DOCK8: variants seen among roughly 807,000 people sequenced by gnomAD.
The protein encoded by DOCK8 is dedicator of cytokinesis 8, also known as dedicator of cytokinesis protein 8.
DOCK8 carries 141 observed loss-of-function variants against 245.6 expected under a neutral mutation model. The observed-to-expected ratio is 0.57, with a 90% CI of 0.50 to 0.66. The LOEUF is 0.66. Among genes scored for constraint, DOCK8 ranks in the 30% least tolerant of loss-of-function variants. DOCK8 has a pLI of 0.00. For synonymous variants in DOCK8, 1,168 were observed against 970.2 expected, an observed-to-expected ratio of 1.20 and a Z score of -3.79; for missense variants, 2,965 against 2,603.4, an observed-to-expected ratio of 1.14 and a Z score of -3.02.
intron 1 of DOCK8, among the ~76,000 whole-genome samples, chr9:247,399 T>A (rs2047529834): frequency 6.6e-6 from 1 of 152,186 alleles, no homozygotes; most frequent in Non-Finnish European, 1.5e-5. Context: ...ACTGAGAGGG[T>A]ATTTTCGACA....
intron 3 of DOCK8, among the ~76,000 whole-genome samples, chr9:289,113 G>A (rs2048937607): frequency 6.6e-6 from 1 of 152,116 alleles, no homozygotes; most frequent in Admixed American, 6.6e-5. Flanking sequence ...AGGAGAACAC[G>A]CGTGTCCTAA....
intron 1 of DOCK8, among the ~76,000 whole-genome samples, chr9:235,760 G>A (rs972901122): frequency 2.0e-5 from 3 of 152,166 alleles, no homozygotes; most frequent in Non-Finnish European, 2.9e-5. Flanking sequence ...GAAAAGCGCA[G>A]TATTAGGGTG....
chr9:320,097 ACACT>A (rs1299153056), intron 7 of DOCK8, among the ~76,000 whole-genome samples: 2 of 152,186 alleles, frequency 1.3e-5, no homozygotes, highest in Non-Finnish European at 2.9e-5. Flanking sequence ...TAAAGAACAA[ACACT>A]CACGGAAAAA....
intron 1 of DOCK8, among the ~76,000 whole-genome samples, chr9:254,161 T>G (rs765088511): frequency 1.1e-4 from 16 of 152,142 alleles, no homozygotes; most frequent in Non-Finnish European, 2.1e-4. Context: ...AGGGCAGAAT[T>G]TGCAAACCCA....
intron 46 of DOCK8, among the ~76,000 whole-genome samples, chr9:462,894 A>T (rs1281651429): frequency 6.6e-6 from 1 of 152,174 alleles, no homozygotes; most frequent in Non-Finnish European, 1.5e-5. Flanking sequence ...TCACTTCCTC[A>T]CAGTGTTATC....
chr9:253,363 C>T (rs1455622353), intron 1 of DOCK8, among the ~76,000 whole-genome samples: 3 of 152,312 alleles, frequency 2.0e-5, no homozygotes, highest in East Asian at 1.9e-4. Flanking sequence ...TTTCTTTCCT[C>T]TTTAAATGGT....
At chr9:340,508 C>A (rs757036399) in intron 14 of DOCK8, 187 bp downstream of exon 14, 5 of 683,162 alleles carry the variant, frequency 7.3e-6, no homozygotes, top group Non-Finnish European at 1.2e-5. Flanking sequence ...GTAATCCCAG[C>A]AACTTGGCAG....
At chr9:315,439 C>T (rs1330653999) in intron 6 of DOCK8, among the ~76,000 whole-genome samples, 1 of 152,070 alleles carries the variant, frequency 6.6e-6, no homozygotes, top group East Asian at 1.9e-4. Flanking sequence ...TTGTTTGGAT[C>T]TTGATTTAAC....
intron 46 of DOCK8, among the ~76,000 whole-genome samples, chr9:457,527 G>C (rs1305300872): frequency 1.3e-5 from 2 of 152,190 alleles, no homozygotes; most frequent in Admixed American, 6.5e-5. Context: ...GTCTATCCAT[G>C]ATTTGTCTGT....
intron 2 of DOCK8, chr9:272,769 A>C (rs935518413): frequency 6.6e-6 from 1 of 152,128 alleles, no homozygotes. Flanking sequence ...GAGTGTGCCT[A>C]TATGTGTTAT....
At position 229,918 on chromosome 9, in the gene DOCK8, T is replaced by G. The variant is rs2047070353; in HGVS notation, c.53+14889T>G. Among the ~76,000 whole-genome samples the G allele has an allele frequency of 2.6e-5, 4 of 151,928 alleles. No homozygotes were observed. In the South Asian group the frequency reaches 8.3e-4, roughly 31 times the overall value. ...TTTAAATTTAATTTTATTATTATTA[T>G]TATACTTTAAGTTTTAGGGTACATG... On this transcript the variant is annotated intron_variant, in intron 1 of 47. Transcript: ENST00000432829.
chr9:421,560 A>G (rs578254059), intron 32 of DOCK8, among the ~76,000 whole-genome samples: 1 of 152,300 alleles, frequency 6.6e-6, no homozygotes, highest in East Asian at 1.9e-4. Flanking sequence ...ATTCCACCAC[A>G]GGAGGAATGA....
chr9:359,513 GA>G (rs2131097107), intron 14 of DOCK8, among the ~76,000 whole-genome samples: 2 of 152,282 alleles, frequency 1.3e-5, no homozygotes, highest in African/African-American at 4.8e-5. Flanking sequence ...AGTGAAATAT[GA>G]ATGATAAAAT....
intron 37 of DOCK8, among the ~76,000 whole-genome samples, chr9:433,446 T>A (rs1428067673): frequency 6.6e-6 from 1 of 152,194 alleles, no homozygotes; most frequent in Non-Finnish European, 1.5e-5. Context: ...CAAGAGGTTC[T>A]AAAATCTCTG....
At chr9:368,394 C>CT (rs1470565927) in intron 15 of DOCK8, 1 of 673,034 alleles carries the variant, frequency 1.5e-6, no homozygotes, top group African/African-American at 1.8e-5. Context: ...GTCATAAAGT[C>CT]TTTCCATACT....
intron 36 of DOCK8, 37 bp downstream of exon 36, chr9:429,891 T>C (rs1564059086): frequency 1.2e-6 from 2 of 1,611,286 alleles, no homozygotes; most frequent in South Asian, 1.1e-5. Flanking sequence ...CTGGAATCAG[T>C]AGAGAAAAAT....
chr9:434,038 T>A, intron 38 of DOCK8, 63 bp downstream of exon 38: 6 of 1,143,922 alleles, frequency 5.2e-6, no homozygotes, highest in Non-Finnish European at 8.0e-6. Context: ...CACTGTGGAG[T>A]TCTTACTAAT....
At chr9:395,305 A>T (rs2054397063) in intron 24 of DOCK8, among the ~76,000 whole-genome samples, 1 of 152,112 alleles carries the variant, frequency 6.6e-6, no homozygotes, top group Admixed American at 6.5e-5. Flanking sequence ...GAAAACATGA[A>T]ACACATAAAG....
intron 46 of DOCK8, among the ~76,000 whole-genome samples, chr9:461,723 G>A (rs1379603271): frequency 6.6e-6 from 1 of 151,302 alleles, no homozygotes; most frequent in Non-Finnish European, 1.5e-5. Context: ...TATATTTTTT[G>A]TAGAGATGGG....
Sources: gnomAD v4.1 joint callset for allele counts (sites outside exome capture counted in the v4.1 genomes callset) on GRCh38, gnomAD v4.1.1 for gene constraint, MANE v1.5 for transcripts, NCBI Gene and HGNC (gene_info 2026-07-23, HGNC 2026-07-21) for gene names.